Variants in TOPAZ1 observed in about 807,000 individuals in gnomAD.
TOPAZ1 encodes the protein testis and ovary specific TOPAZ 1, also known as protein TOPAZ1.
TOPAZ1 carries 66 observed loss-of-function variants against 172.2 expected under a neutral mutation model. That is an observed-to-expected ratio of 0.38 (90% CI 0.31 to 0.47). The LOEUF (loss-of-function observed/expected upper bound fraction) is 0.47, where lower values mean the gene tolerates loss of function less well. TOPAZ1 is among the 20% of genes least tolerant of loss of function. The pLI, the probability that TOPAZ1 is intolerant of heterozygous loss-of-function variation, is 0.99. For missense variants in TOPAZ1, 1,822 were observed against 1,972.4 expected, an observed-to-expected ratio of 0.92 and a Z score of 1.44; for synonymous variants, 681 against 683.9, an observed-to-expected ratio of 1.00 and a Z score of 0.07.
At chr3:44,276,159 ACTGTGTTTG>A (rs1474584581) in intron 8 of TOPAZ1, among the ~76,000 whole-genome samples, 1 of 151,918 alleles carries the variant, frequency 6.6e-6, no homozygotes, top group Admixed American at 6.6e-5. Flanking sequence ...GGTTCTCTTC[ACTGTGTTTG>A]CTGTGCAGAA....
At chr3:44,264,569 G>A (rs1432977143) in intron 5 of TOPAZ1, among the ~76,000 whole-genome samples, 1 of 152,192 alleles carries the variant, frequency 6.6e-6, no homozygotes, top group Non-Finnish European at 1.5e-5. Flanking sequence ...TGAAGGTTGA[G>A]GTGGCTGTGG....
At chr3:44,285,736 A>G (rs1700071318) in intron 9 of TOPAZ1, among the ~76,000 whole-genome samples, 1 of 151,000 alleles carries the variant, frequency 6.6e-6, no homozygotes, top group Non-Finnish European at 1.5e-5. Flanking sequence ...ATGCCTGGCT[A>G]ATTTTTGTAT....
chr3:44,315,638 C>T lies in TOPAZ1; in HGVS notation c.4307-5389C>T, dbSNP rs1470604358. Among the ~76,000 whole-genome samples, 6 of 150,990 alleles carry T rather than the reference C, an allele frequency of 4.0e-5. No homozygotes were observed. In the Admixed American group the frequency reaches 4.0e-4, roughly 10 times the overall value. On this transcript the variant is annotated intron_variant, in intron 16 of 19. Transcript: ENST00000309765. ...CCGCCCACCTTGGCCTCCCAAAGTG[C>T]TGGGATTACAGGCGTGAGCCACCAT... is the stretch of plus-strand genomic sequence containing the variant.
chr3:44,323,030 A>G, intron 17 of TOPAZ1, 62 bp from the exon 18 acceptor site: 1 of 1,137,142 alleles, frequency 8.8e-7, no homozygotes, highest in African/African-American at 1.6e-5. Context: ...AAGGAGTATG[A>G]GATGGAGGTT....
intron 8 of TOPAZ1, among the ~76,000 whole-genome samples, chr3:44,273,821 A>C (rs1191044794): frequency 6.6e-6 from 1 of 152,238 alleles, no homozygotes; most frequent in Non-Finnish European, 1.5e-5. Flanking sequence ...ATGTGTTGTA[A>C]AATATGAGCA....
intron 12 of TOPAZ1, among the ~76,000 whole-genome samples, chr3:44,302,809 G>GT (rs111228592): frequency 0.01 from 1,552 of 152,094 alleles, 23 homozygotes; most frequent in African/African-American, 0.036. Context: ...TTATTATGTG[G>GT]TTTTTTTGTA....
intron 8 of TOPAZ1, among the ~76,000 whole-genome samples, chr3:44,278,798 T>A (rs1200615685): frequency 6.6e-6 from 1 of 151,786 alleles, no homozygotes; most frequent in African/African-American, 2.4e-5. Flanking sequence ...CTTTTCATTG[T>A]GTTGATCCTC....
Position 44,244,416 on chromosome 3 carries a change from C to T in TOPAZ1, c.1910C>T (p.Thr637Met), listed in dbSNP as rs1244693351. The change falls in exon 2 of 20, where the codon ACG becomes ATG. Residue 637 changes from threonine to methionine, a missense_variant. Physicochemically the swap from Thr to Met is moderately conservative, Grantham distance 81. Coordinates refer to ENST00000309765, the MANE Select transcript of TOPAZ1 (RefSeq NM_001145030.2). Reference protein sequence around the residue: ...GNKKKARGNLTKLNLTATSKD... With the variant: ...GNKKKARGNLMKLNLTATSKD... The stretch of plus-strand genomic sequence containing the variant: ...AAAAAAAAAGCTAGAGGAAATTTAA[C>T]GAAACTTAATTTGACAGCGACTTCC... 13 of 1,550,610 alleles carry T rather than the reference C, an allele frequency of 8.4e-6. No homozygotes were observed. In the East Asian group the frequency reaches 9.8e-5, roughly 12 times the overall value.
At chr3:44,271,992 AC>A (rs1699904369) in intron 8 of TOPAZ1, among the ~76,000 whole-genome samples, 1 of 152,134 alleles carries the variant, frequency 6.6e-6, no homozygotes, top group African/African-American at 2.4e-5. Flanking sequence ...GTAAATGAGA[AC>A]ATATATGGCA....
intron 8 of TOPAZ1, among the ~76,000 whole-genome samples, chr3:44,272,830 A>T (rs2125687548): frequency 6.6e-6 from 1 of 152,314 alleles, no homozygotes; most frequent in East Asian, 1.9e-4. Context: ...AAGTGCTGGG[A>T]TGACAGGCAT....
intron 15 of TOPAZ1, 79 bp downstream of exon 15, chr3:44,306,505 T>C: frequency 1.3e-6 from 1 of 780,986 alleles, no homozygotes. Flanking sequence ...AAGTTAACCC[T>C]GCAAATTAGG....
downstream of TOPAZ1, among the ~76,000 whole-genome samples, chr3:44,335,831 C>A (rs1183657342): frequency 6.6e-6 from 1 of 152,088 alleles, no homozygotes; most frequent in African/African-American, 2.4e-5. Flanking sequence ...TCCTGAGTTC[C>A]CTTGAGGGCT....
intron 8 of TOPAZ1, among the ~76,000 whole-genome samples, chr3:44,281,399 T>C (rs1490383679): frequency 6.6e-6 from 1 of 152,256 alleles, no homozygotes; most frequent in Non-Finnish European, 1.5e-5. Flanking sequence ...TAGAATTTCT[T>C]CATTTTTATA....
chr3:44,285,548 A>T (rs893827343), intron 9 of TOPAZ1, among the ~76,000 whole-genome samples: 1 of 137,366 alleles, frequency 7.3e-6, no homozygotes, highest in African/African-American at 2.6e-5. Context: ...TCCACCCAAC[A>T]GTTTAACAAG....
intron 2 of TOPAZ1, among the ~76,000 whole-genome samples, chr3:44,246,531 G>A (rs1451756832): frequency 2.6e-5 from 4 of 152,190 alleles, no homozygotes; most frequent in Non-Finnish European, 5.9e-5. Context: ...TGTGCCAAAT[G>A]GAGAACCAAG....
chr3:44,255,700 CACACACACACACACACACACAT>C lies in TOPAZ1; in HGVS notation c.2828-449_2828-428del, dbSNP rs1193256222. Among the ~76,000 whole-genome samples the C allele has an allele frequency of 1.5e-3, 167 of 110,310 alleles. 3 individuals carry two copies. The highest frequency in any genetic ancestry group is 5.2e-3 in the East Asian group (20 of 3,810). 72.4% of individuals were successfully genotyped at this position (110,310 alleles called of 152,430 possible). A position where few individuals can be genotyped will look rare whatever the true frequency, so the allele number is the denominator to read the frequency against. ...ACACACACACACACACACACACACA[CACACACACACACACACACACAT>C]ATATATATGGTTAACAGCTAGTCAA... On this transcript the variant is annotated intron_variant, in intron 3 of 19. Transcript: ENST00000309765.
intron 16 of TOPAZ1, among the ~76,000 whole-genome samples, chr3:44,310,228 G>C (rs568867186): frequency 6.6e-6 from 1 of 152,216 alleles, no homozygotes; most frequent in Non-Finnish European, 1.5e-5. Flanking sequence ...GGCCGGGTGT[G>C]GTGACTCATG....
chr3:44,287,291 ATAT>A, intron 9 of TOPAZ1, 95 bp from the exon 10 acceptor site: 1 of 625,350 alleles, frequency 1.6e-6, no homozygotes, highest in Non-Finnish European at 2.4e-6. Flanking sequence ...CATTGAATTC[ATAT>A]TATTTTATCT....
In TOPAZ1 at chr3:44,244,193, GA is replaced by G. The variant is rs1699529473; in HGVS notation, c.1692del (p.Lys564AsnfsTer2). On this transcript the variant is annotated frameshift_variant, in exon 2 of 20. Coordinates refer to ENST00000309765, the MANE Select transcript of TOPAZ1 (RefSeq NM_001145030.2). LOFTEE classifies it high-confidence loss of function. ...TETNTESSSK[E>X]KLDSNSNCLS... ...AACAAACACTGAATCTTCAAGTAAA[GA>G]AAAATTAGATTCTAATTCTAATTGT... is the stretch of plus-strand genomic sequence containing the variant. 1 of 1,549,716 alleles carries G rather than the reference GA, an allele frequency of 6.5e-7. No homozygotes were observed. The highest frequency in any genetic ancestry group is 1.4e-5 in the African/African-American group (1 of 72,930).
Sources: gnomAD v4.1 joint callset for allele counts (sites outside exome capture counted in the v4.1 genomes callset) on GRCh38, gnomAD v4.1.1 for gene constraint, MANE v1.5 for transcripts, NCBI Gene and HGNC (gene_info 2026-07-23, HGNC 2026-07-21) for gene names.